INCENP: variants seen among roughly 807,000 people sequenced by gnomAD.
INCENP encodes the protein binds and activates aurora-B and -C in vivo and in vitro.
INCENP carries 43 observed loss-of-function variants against 107.3 expected under a neutral mutation model. That is an observed-to-expected ratio of 0.40 (90% CI 0.31 to 0.52). The LOEUF (loss-of-function observed/expected upper bound fraction) is 0.52, where lower values mean the gene tolerates loss of function less well. Among genes scored for constraint, INCENP ranks in the 20% least tolerant of loss-of-function variants. INCENP has a pLI of 0.53. For missense variants in INCENP, 1,089 were observed against 1,250.9 expected (o/e 0.87, Z 1.95); for synonymous variants, 488 against 494.4 (o/e 0.99, Z 0.17).
intron 1 of INCENP, among the ~76,000 whole-genome samples, chr11:62,124,743 G>GT (rs1943713827): frequency 6.6e-6 from 1 of 152,326 alleles, no homozygotes; most frequent in South Asian, 2.1e-4. Flanking sequence ...CAGTGGTTAA[G>GT]GGCACGGTTT....
Position 62,129,787 on chromosome 11 carries a change from C to T in INCENP, c.260C>T (p.Ser87Phe), listed in dbSNP as rs1221958665. ...ENRDPIRRRL[S>F]RRKSRSSQLS... The stretch of plus-strand genomic sequence containing the variant: ...TGCCCTGCTGCCCCTGCCAGGTTAT[C>T]CCGCAGAAAGTCTCGGAGCAGCCAG... Residue 87 changes from serine (S) to phenylalanine (F), a missense_variant, in exon 4 of 19, where the codon TCC becomes TTC. By Grantham distance (155) the Ser-to-Phe change is radical. Coordinates refer to ENST00000394818, the MANE Select transcript of INCENP (RefSeq NM_001040694.2). 6.2e-7 allele frequency: 1 copy of T among 1,603,204 alleles called. No individual in the cohort carries two copies. The highest frequency in any genetic ancestry group is 1.1e-5 in the South Asian group (1 of 90,932).
chr11:62,148,623 A>C, intron 16 of INCENP, 69 bp downstream of exon 16: 1 of 1,512,028 alleles, frequency 6.6e-7, no homozygotes, highest in Non-Finnish European at 9.0e-7. Context: ...GGACTCCTGC[A>C]GCAGGGGCTG....
Position 62,145,729 on chromosome 11 carries a change from G to C in INCENP, c.1937G>C (p.Arg646Pro). ...EARRKQEEEA[R>P]RLRWLQQEEE... The stretch of plus-strand genomic sequence containing the variant: ...CGCAGGAAGCAGGAAGAGGAGGCAC[G>C]TAGGCTCAGGTGGCTGCAGCAGGTG... The change falls in exon 14 of 19, where the codon CGT (arginine) becomes CCT (proline). Residue 646 changes from arginine (R) to proline (P), a missense_variant. Physicochemically the swap from Arg to Pro is moderately radical, Grantham distance 103. Transcript: ENST00000394818. The C allele has an allele frequency of 6.4e-7, 1 of 1,554,346 alleles. No homozygotes were observed. Among genetic ancestry groups the C allele is most frequent in the South Asian group, 1.2e-5 (1 of 84,244 alleles).
At chr11:62,129,471 TGTG>T (rs1943832152) in intron 3 of INCENP, among the ~76,000 whole-genome samples, 1 of 152,110 alleles carries the variant, frequency 6.6e-6, no homozygotes, top group Non-Finnish European at 1.5e-5. Context: ...AGGCAGAGCG[TGTG>T]TAAGGCTTTC....
intron 16 of INCENP, 22 bp from the exon 17 acceptor site, chr11:62,148,717 C>A (rs1231091414): frequency 1.9e-6 from 3 of 1,556,164 alleles, no homozygotes; most frequent in East Asian, 2.3e-5. Context: ...TCCCTAACAC[C>A]CCATTGCCAC....
rs1363018632 is a variant in INCENP, at chr11:62,124,034, G to T, written c.-141G>T. On this transcript the variant is annotated 5_prime_UTR_variant, in exon 1 of 19. Coordinates refer to ENST00000394818, the MANE Select transcript of INCENP (RefSeq NM_001040694.2). ...TCATAGTTTTCGCCCGCGCTGCGCC[G>T]CCTGGTTGCTCCTCCCGTGCGGTGA... 6.6e-6 allele frequency: 1 copy of T among 152,254 alleles called. No homozygotes were observed. 9.4% of individuals were successfully genotyped at this position (152,254 alleles called of 1,614,324 possible).
At position 62,130,040 on chromosome 11, in the gene INCENP, C is replaced by T. The variant is rs754415697; in HGVS notation, c.513C>T (p.Ile171=). Reference sequence around the variant, plus strand: ...GCCAGCTGGTGCCTGTGGTGGAGATCGGCATCAGTGAGCGCCAGAATGCTG... The same window carrying T: ...GCCAGCTGGTGCCTGTGGTGGAGATTGGCATCAGTGAGCGCCAGAATGCTG... ...TQCQLVPVVE[I]GISERQNAEQ... Residue 171 remains isoleucine (I), a synonymous_variant, in exon 4 of 19, where the codon ATC becomes ATT. Transcript: ENST00000394818. The T allele has an allele frequency of 2.4e-5, 38 of 1,613,788 alleles. No homozygotes were observed. Among genetic ancestry groups the T allele is most frequent in the African/African-American group, 1.5e-4 (11 of 74,866 alleles).
chr11:62,146,758 A>G lies in INCENP; in HGVS notation c.2060A>G (p.Gln687Arg), dbSNP rs139103288. The change falls in exon 15 of 19, where the codon CAG becomes CGG. Residue 687 changes from glutamine to arginine, a missense_variant. Coordinates refer to ENST00000394818, the MANE Select transcript of INCENP (RefSeq NM_001040694.2). The part of the protein sequence containing the change: ...KAAEAKRLAE[Q>R]REQERREQER... ...GCCGAGGCTAAGCGGCTGGCAGAGC[A>G]GCGGGAGCAGGAGCGGCGGGAGCAG... The G allele has an allele frequency of 7.1e-6, 11 of 1,546,456 alleles. No individual in the cohort carries two copies. Among genetic ancestry groups the G allele is most frequent in the Middle Eastern group, 1.7e-4 (1 of 5,820 alleles).
intron 14 of INCENP, 138 bp downstream of exon 14, chr11:62,145,889 C>A: frequency 2.7e-6 from 3 of 1,093,368 alleles, no homozygotes; most frequent in African/African-American, 1.6e-5. Flanking sequence ...AAGGAGGTTT[C>A]CCAGAAGTCT....
Position 62,148,852 on chromosome 11 carries a change from A to G in INCENP, c.2391+6A>G, listed in dbSNP as rs1612738. 3.9e-3 allele frequency: 6,264 copies of G among 1,591,342 alleles called. 223 individuals carry two copies. In the African/African-American group the frequency reaches 0.075, roughly 19 times the overall value. ...ATGTGACTGTGGACGTGCAGGTGCCACCTGGGCCCCAGTGGAGAGGCTCTC... is the reference window on the plus strand; with the variant it reads ...ATGTGACTGTGGACGTGCAGGTGCCGCCTGGGCCCCAGTGGAGAGGCTCTC... On this transcript the variant is annotated splice_donor_region_variant and intron_variant, in intron 17 of 18. Coordinates refer to ENST00000394818, the MANE Select transcript of INCENP (RefSeq NM_001040694.2).
At position 62,129,763 on chromosome 11, in the gene INCENP, G is replaced by A; in HGVS notation, c.255-19G>A. 6.3e-7 allele frequency: 1 copy of A among 1,590,896 alleles called. No homozygotes were observed. On this transcript the variant is annotated intron_variant, in intron 3 of 18. Transcript: ENST00000394818. ...TGTCCTGCTGCCCGTCTCAGCCTCTGCCCTGCTGCCCCTGCCAGGTTATCC... is the reference window on the plus strand; with the variant it reads ...TGTCCTGCTGCCCGTCTCAGCCTCTACCCTGCTGCCCCTGCCAGGTTATCC...
intron 11 of INCENP, 64 bp from the exon 12 acceptor site, chr11:62,144,918 T>G: frequency 4.9e-6 from 7 of 1,441,264 alleles, no homozygotes; most frequent in Non-Finnish European, 5.8e-6. Context: ...GTGGGCAGCT[T>G]TTGGGGCTGG....
In INCENP at chr11:62,129,117, T is replaced by G. The variant is rs1675132; in HGVS notation, c.254+234T>G. Among the ~76,000 whole-genome samples the G allele has an allele frequency of 0.53, 80,352 of 151,800 alleles. 23,708 individuals are homozygous for G. The highest frequency in any genetic ancestry group is 0.68 in the Non-Finnish European group (46,296 of 67,934). ...TCTGTGGCTGTGTGTTGGGGGTGGG[T>G]GTGTTTGATCTGGGCCCTGGAGAAT... is the stretch of plus-strand genomic sequence containing the variant. On this transcript the variant is annotated intron_variant, in intron 3 of 18. Transcript: ENST00000394818.
chr11:62,143,500 CT>C (rs1209078251), intron 11 of INCENP, among the ~76,000 whole-genome samples: 2 of 152,138 alleles, frequency 1.3e-5, no homozygotes, highest in South Asian at 2.1e-4. Flanking sequence ...TCTTCCCTAT[CT>C]GCCTGCTCCT....
rs767748224 is a variant in INCENP at position 62,130,525 on chromosome 11, G to A, written c.998G>A (p.Arg333His). 23 of 1,613,896 alleles carry A rather than the reference G, an allele frequency of 1.4e-5. No individual in the cohort carries two copies. Among genetic ancestry groups the A allele is most frequent in the African/African-American group, 1.1e-4 (8 of 74,946 alleles). Residue 333 changes from arginine (R) to histidine (H), a missense_variant, in exon 4 of 19, where the codon CGC becomes CAC. Physicochemically the swap from Arg to His is conservative, Grantham distance 29. Transcript: ENST00000394818. ...GTGGCCAAACAGGAAAGTGTTGTCCGCAGGGCGAGCAGAAGGCTTGCCAAG... is the reference window on the plus strand; with the variant it reads ...GTGGCCAAACAGGAAAGTGTTGTCCACAGGGCGAGCAGAAGGCTTGCCAAG... ...SLVAKQESVV[R>H]RASRRLAKKT...
intron 17 of INCENP, among the ~76,000 whole-genome samples, chr11:62,149,604 C>A (rs1792890): frequency 0.022 from 3,311 of 152,152 alleles, 125 homozygotes; most frequent in African/African-American, 0.075. Flanking sequence ...GATACAGAGT[C>A]GTGTGTGTTC....
intron 11 of INCENP, chr11:62,141,873 G>C: frequency 2.6e-6 from 1 of 386,258 alleles, no homozygotes. Flanking sequence ...CAGGTTGTCT[G>C]TGGTCCCCAG....
In INCENP at chr11:62,146,835, C is replaced by T. The variant is rs776014336; in HGVS notation, c.2137C>T (p.Arg713Cys). 19 of 1,548,996 alleles carry T rather than the reference C, an allele frequency of 1.2e-5. No individual in the cohort carries two copies. The South Asian group carries it at 1.8e-4, about 14-fold the overall frequency. Residue 713 changes from arginine (R) to cysteine (C), a missense_variant, in exon 15 of 19, where the codon CGC becomes TGC. Arg to Cys is a radical substitution (Grantham distance 180). Transcript: ENST00000394818. ...GCAGGAGCGGCGGGAGCAGGAGCGG[C>T]GCGAGCAGGAGCGACAGCTGGCAGA... is the stretch of plus-strand genomic sequence containing the variant. ...REQERREQER[R>C]EQERQLAEQE...
At chr11:62,151,435 A>C (rs1189448083) in intron 18 of INCENP, among the ~76,000 whole-genome samples, 2 of 152,216 alleles carry the variant, frequency 1.3e-5, no homozygotes. Flanking sequence ...CTCTGCCATT[A>C]TTAGCTGTAT....
Sources: allele counts gnomAD v4.1 joint callset (sites outside exome capture counted in the v4.1 genomes callset), GRCh38; gene constraint gnomAD v4.1.1; transcripts MANE v1.5; gene names NCBI Gene and HGNC (gene_info 2026-07-23, HGNC 2026-07-21).